NDRG1: variants seen among roughly 807,000 people sequenced by gnomAD.
NDRG1 encodes the protein protein NDRG1.
In NDRG1, 32 loss-of-function variants were observed where a neutral mutation model predicts 56.9. The ratio of observed to expected loss-of-function variants is 0.56; its 90% CI spans 0.42 to 0.76. The LOEUF (loss-of-function observed/expected upper bound fraction) is 0.76. Ranked by LOEUF, NDRG1 falls within the 30% of genes least tolerant of loss-of-function variation. The pLI is 0.00. For synonymous variants in NDRG1, 211 were observed against 204.1 expected (o/e 1.03, Z -0.29); for missense variants, 507 against 545.7 (o/e 0.93, Z 0.71).
chr8:133,293,982 G>T (rs1858583922), intron 1 of NDRG1, among the ~76,000 whole-genome samples: 1 of 152,144 alleles, frequency 6.6e-6, no homozygotes, highest in Non-Finnish European at 1.5e-5. Context: ...GTCTTCTGCG[G>T]GTGCTACTGA....
intron 3 of NDRG1, among the ~76,000 whole-genome samples, chr8:133,272,234 C>A (rs925950815): frequency 6.6e-6 from 1 of 152,318 alleles, no homozygotes; most frequent in Non-Finnish European, 1.5e-5. Context: ...GCAACTGGAA[C>A]CCACGCTGAA....
chr8:133,246,973 A>AAATACC (rs1855720125), intron 12 of NDRG1, among the ~76,000 whole-genome samples: 1 of 152,228 alleles, frequency 6.6e-6, no homozygotes, highest in African/African-American at 2.4e-5. Context: ...AGTACTGTAG[A>AAATACC]AATACCTGCT....
At chr8:133,266,281 T>C (rs913508780) in intron 3 of NDRG1, among the ~76,000 whole-genome samples, 4 of 152,244 alleles carry the variant, frequency 2.6e-5, no homozygotes, top group Non-Finnish European at 5.9e-5. Flanking sequence ...GCACGCTGCA[T>C]TGATTTTCCA....
chr8:133,276,307 T>A (rs749471269), intron 3 of NDRG1, among the ~76,000 whole-genome samples: 6 of 152,170 alleles, frequency 3.9e-5, no homozygotes, highest in Non-Finnish European at 8.8e-5. Context: ...TTGCAGACTT[T>A]CCAGAGAAAC....
chr8:133,274,067 C>A (rs916242824), intron 3 of NDRG1, among the ~76,000 whole-genome samples: 3 of 152,200 alleles, frequency 2.0e-5, no homozygotes, highest in African/African-American at 7.2e-5. Flanking sequence ...GGAACCAGAG[C>A]CAGGTGGGGG....
At chr8:133,244,062 C>T (rs1358156491) in intron 14 of NDRG1, among the ~76,000 whole-genome samples, 1 of 152,178 alleles carries the variant, frequency 6.6e-6, no homozygotes, top group Non-Finnish European at 1.5e-5. Context: ...CCCTTCACTC[C>T]AGCAGAAGCC....
At chr8:133,257,054 A>G (rs1856414192) in intron 7 of NDRG1, among the ~76,000 whole-genome samples, 191 bp from the exon 8 acceptor site, 2 of 152,192 alleles carry the variant, frequency 1.3e-5, no homozygotes, top group African/African-American at 2.4e-5. Flanking sequence ...ATCGGGTCCT[A>G]GAGAGAGTGG....
At chr8:133,293,322 C>G (rs1218477256) in intron 1 of NDRG1, among the ~76,000 whole-genome samples, 2 of 152,214 alleles carry the variant, frequency 1.3e-5, no homozygotes, top group African/African-American at 4.8e-5. Flanking sequence ...GCAGGAACAA[C>G]AGCCTGGGGT....
intron 14 of NDRG1, among the ~76,000 whole-genome samples, chr8:133,243,642 G>T (rs1855503767): frequency 1.3e-5 from 2 of 152,008 alleles, no homozygotes; most frequent in African/African-American, 4.8e-5. Flanking sequence ...TATGACCAGG[G>T]TTACATCTGT....
Position 133,259,202 on chromosome 8 carries a change from C to G in NDRG1, c.355G>C (p.Ala119Pro), listed in dbSNP as rs1856537884. ...TGAAGGACTCCAGGAAGCATTTCAG[C>G]CAGCTGATCCATGGAGGGGTACATG... ...GYMYPSMDQL[A>P]EMLPGVLQQF... The change falls in exon 6 of 16, where the codon GCT (alanine) becomes CCT (proline). Residue 119 changes from alanine (A) to proline (P), a missense_variant. Coordinates refer to ENST00000323851, the MANE Select transcript of NDRG1 (RefSeq NM_006096.4). 6.2e-7 allele frequency: 1 copy of G among 1,614,210 alleles called. No homozygotes were observed. The highest frequency in any genetic ancestry group is 8.5e-7 in the Non-Finnish European group (1 of 1,180,040).
intron 1 of NDRG1, chr8:133,284,850 C>T (rs1260862917): frequency 4.4e-6 from 2 of 456,544 alleles, no homozygotes; most frequent in African/African-American, 2.0e-5. Flanking sequence ...CACGCATGCG[C>T]GTGAACACAC....
At chr8:133,286,862 G>C (rs950739500) in intron 1 of NDRG1, among the ~76,000 whole-genome samples, 2 of 152,196 alleles carry the variant, frequency 1.3e-5, no homozygotes, top group Non-Finnish European at 2.9e-5. Flanking sequence ...AGTCTGGGGG[G>C]ACTGTGGGGG....
At position 133,247,894 on chromosome 8, in the gene NDRG1, G is replaced by T. The variant is rs770044182; in HGVS notation, c.788C>A (p.Ser263Ter). ...CPALLVVGDS[S>*]PAVDAVVECN... ...ACATACCACGGCATCCACTGCAGGCGAGCTGTCCCCAACCACCAACAGAGC... is the reference window on the plus strand; with the variant it reads ...ACATACCACGGCATCCACTGCAGGCTAGCTGTCCCCAACCACCAACAGAGC... Residue 263 changes from serine (S) to a stop codon, truncating the protein, a stop_gained, in exon 12 of 16, where the codon TCG (serine) becomes TAG (stop). Transcript: ENST00000323851. LOFTEE classifies it high-confidence loss of function. The T allele has an allele frequency of 6.2e-7, 1 of 1,614,086 alleles. No individual in the cohort carries two copies. Among genetic ancestry groups the T allele is most frequent in the Non-Finnish European group, 8.5e-7 (1 of 1,180,038 alleles).
intron 9 of NDRG1, 74 bp from the exon 10 acceptor site, chr8:133,250,617 C>T (rs1312385822): frequency 4.1e-6 from 5 of 1,221,828 alleles, no homozygotes; most frequent in Non-Finnish European, 4.9e-6. Flanking sequence ...TCTCCATTCT[C>T]CAGGTTATTT....
intron 3 of NDRG1, 61 bp downstream of exon 3, chr8:133,280,171 G>A (rs965519744): frequency 2.5e-6 from 4 of 1,593,638 alleles, no homozygotes; most frequent in Non-Finnish European, 3.4e-6. Flanking sequence ...CCAATGGAAA[G>A]AAAAAGGAAA....
rs553444992 is a variant in NDRG1, at chr8:133,273,998, C to T, written c.99+6234G>A. Reference sequence around the variant, plus strand: ...ATCAGACCGTGTCCTTCCTGCAACCCGGACACCTAGGCCAGCAGCCCGCCC... The same window carrying T: ...ATCAGACCGTGTCCTTCCTGCAACCTGGACACCTAGGCCAGCAGCCCGCCC... On this transcript the variant is annotated intron_variant, in intron 3 of 15. Coordinates refer to ENST00000323851, the MANE Select transcript of NDRG1 (RefSeq NM_006096.4). 1.2e-4 allele frequency among the ~76,000 whole-genome samples: 19 copies of T among 152,324 alleles called. No homozygotes were observed. In the East Asian group the frequency reaches 2.9e-3, roughly 23 times the overall value.
chr8:133,274,700 C>T (rs778671862), intron 3 of NDRG1, among the ~76,000 whole-genome samples: 3 of 152,142 alleles, frequency 2.0e-5, no homozygotes, highest in Non-Finnish European at 4.4e-5. Flanking sequence ...GACAAGCAGA[C>T]GTGTCAAAGG....
In NDRG1 at chr8:133,297,129, C is replaced by T. The variant is rs1858825999; in HGVS notation, c.-19+5G>A. 1 of 152,482 alleles carries T rather than the reference C, an allele frequency of 6.6e-6. No homozygotes were observed. Among genetic ancestry groups the T allele is most frequent in the Admixed American group, 6.5e-5 (1 of 15,304 alleles). 9.4% of individuals were successfully genotyped at this position (152,482 alleles called of 1,614,324 possible). ...CGCGCCTGGGAGAAGAGGGCGCGGG[C>T]TTACCTAACGCGAGGGAGAAAGGAA... On this transcript the variant is annotated splice_donor_5th_base_variant and intron_variant, in intron 1 of 15. Coordinates refer to ENST00000323851, the MANE Select transcript of NDRG1 (RefSeq NM_006096.4).
intron 3 of NDRG1, 75 bp from the exon 4 acceptor site, chr8:133,264,727 G>T: frequency 8.1e-7 from 1 of 1,230,862 alleles, no homozygotes; most frequent in Non-Finnish European, 1.2e-6. Context: ...CAGCCAGCCT[G>T]TTTCCAACTG....
Sources: gnomAD v4.1 joint callset for allele counts (sites outside exome capture counted in the v4.1 genomes callset) on GRCh38, gnomAD v4.1.1 for gene constraint, MANE v1.5 for transcripts, NCBI Gene and HGNC (gene_info 2026-07-23, HGNC 2026-07-21) for gene names.